Variants in ADCY9 observed in about 807,000 individuals in gnomAD.
ADCY9 encodes adenylate cyclase 9.
Under a neutral mutation model 101.5 loss-of-function variants are expected in ADCY9, and 50 were observed. The observed-to-expected ratio is 0.49, with a 90% CI of 0.39 to 0.62. The LOEUF (loss-of-function observed/expected upper bound fraction) is 0.62, where lower values mean the gene tolerates loss of function less well. Ranked by LOEUF, ADCY9 falls within the 20% of genes least tolerant of loss-of-function variation. The probability of loss-of-function intolerance (pLI) is 0.00; values close to 1 mark genes in which losing one functional copy is unlikely to be tolerated. For missense variants in ADCY9, 1,662 were observed against 1,800.4 expected, an observed-to-expected ratio of 0.92 and a Z score of 1.39; for synonymous variants, 905 against 769.3, an observed-to-expected ratio of 1.18 and a Z score of -2.92.
At chr16:3,993,356 G>A in intron 4 of ADCY9, 50 bp downstream of exon 4, 1 of 1,601,438 alleles carries the variant, frequency 6.2e-7, no homozygotes, top group Non-Finnish European at 8.6e-7. Context: ...CACCTTGGGT[G>A]GATGCGCCAG....
chr16:3,981,976 A>G (rs1009598373), intron 7 of ADCY9: 1 of 152,252 alleles, frequency 6.6e-6, no homozygotes, highest in East Asian at 1.9e-4. Flanking sequence ...GTTCTGGGGA[A>G]GTGGACCCTG....
At chr16:4,000,333 G>A (rs1177305085) in intron 3 of ADCY9, among the ~76,000 whole-genome samples, 4 of 152,052 alleles carry the variant, frequency 2.6e-5, no homozygotes, top group African/African-American at 7.2e-5. Flanking sequence ...GTAAAGAGGC[G>A]GTGAGCCCAG....
chr16:3,986,392 T>C (rs2056193531), intron 6 of ADCY9, among the ~76,000 whole-genome samples: 1 of 152,176 alleles, frequency 6.6e-6, no homozygotes. Context: ...ACCTGTCATG[T>C]GGCCTCCTGT....
At position 4,038,994 on chromosome 16, in the gene ADCY9, T is replaced by A. The variant is rs113893781; in HGVS notation, c.1694-31436A>T. ...AATGCTTGCCCTTTTATAAAAATAA[T>A]AGCAACAACATCTCCTACAACTAAG... On this transcript the variant is annotated intron_variant, in intron 2 of 10. Coordinates refer to ENST00000294016, the MANE Select transcript of ADCY9 (RefSeq NM_001116.4). 7.6e-3 allele frequency among the ~76,000 whole-genome samples: 1,155 copies of A among 152,246 alleles called. 9 individuals are homozygous for A. The highest frequency in any genetic ancestry group is 0.013 in the Non-Finnish European group (871 of 68,012).
In ADCY9 at chr16:4,097,487, T is replaced by TATATACACAC. The variant is rs76750792; in HGVS notation, c.1693+16262_1693+16263insGTGTGTATAT. ...ATATATATATATATATATATATATATACACACACACACACTATATATATGT... is the reference window on the plus strand; with the variant it reads ...ATATATATATATATATATATATATATATATACACACACACACACACACACTATATATATGT... On this transcript the variant is annotated intron_variant, in intron 2 of 10. Transcript: ENST00000294016. 4.4e-3 allele frequency among the ~76,000 whole-genome samples: 322 copies of TATATACACAC among 72,374 alleles called. 3 individuals carry two copies. The highest frequency in any genetic ancestry group is 0.019 in the East Asian group (51 of 2,670). The allele number at this position is 72,374 out of a possible 152,430, so 47.5% of individuals were successfully genotyped here.
At chr16:3,983,577 G>C (rs951014083) in intron 6 of ADCY9, 137 bp from the exon 7 acceptor site, 10 of 719,222 alleles carry the variant, frequency 1.4e-5, no homozygotes, top group African/African-American at 3.5e-5. Flanking sequence ...CTCTCGGAGG[G>C]CTGTCTCCCT....
intron 2 of ADCY9, among the ~76,000 whole-genome samples, chr16:4,068,294 G>A (rs1269328819): frequency 6.7e-6 from 1 of 149,092 alleles, no homozygotes; most frequent in Non-Finnish European, 1.5e-5. Context: ...TTTAAATCTG[G>A]TTTTTCTAAT....
intron 3 of ADCY9, among the ~76,000 whole-genome samples, chr16:3,993,753 C>CAATG (rs1239781091): frequency 4.6e-5 from 7 of 152,314 alleles, no homozygotes; most frequent in Middle Eastern, 3.4e-3. Flanking sequence ...ACTGACTGAA[C>CAATG]AATGGATCAA....
At chr16:3,988,011 TG>T (rs1286212742) in intron 6 of ADCY9, among the ~76,000 whole-genome samples, 2 of 146,900 alleles carry the variant, frequency 1.4e-5, no homozygotes, top group African/African-American at 5.4e-5. Flanking sequence ...AGGAGAGAGA[TG>T]GGTGTTGGGA....
intron 10 of ADCY9, among the ~76,000 whole-genome samples, chr16:3,970,485 C>A (rs1482485265): frequency 6.6e-6 from 1 of 152,160 alleles, no homozygotes; most frequent in Non-Finnish European, 1.5e-5. Flanking sequence ...CGCCACCATA[C>A]TTGGCTAATT....
At chr16:3,985,710 T>C (rs2056186359) in intron 6 of ADCY9, among the ~76,000 whole-genome samples, 1 of 151,962 alleles carries the variant, frequency 6.6e-6, no homozygotes, top group Admixed American at 6.6e-5. Context: ...GGCTGCCATC[T>C]CCTCTGTAGA....
intron 2 of ADCY9, among the ~76,000 whole-genome samples, chr16:4,030,131 CTA>C (rs1298231511): frequency 2.0e-5 from 3 of 152,148 alleles, no homozygotes. Context: ...CACTCACACT[CTA>C]TGGCTCAATA....
intron 2 of ADCY9, among the ~76,000 whole-genome samples, chr16:4,067,766 T>A (rs368649376): frequency 6.6e-6 from 1 of 152,190 alleles, no homozygotes; most frequent in South Asian, 2.1e-4. Context: ...GGAGGTGGAC[T>A]GCAACCTCCC....
chr16:4,018,096 C>T (rs1270895506), intron 2 of ADCY9, among the ~76,000 whole-genome samples: 1 of 152,256 alleles, frequency 6.6e-6, no homozygotes, highest in Admixed American at 6.5e-5. Flanking sequence ...TATACCTGCA[C>T]TGACACCTCC....
In ADCY9 at chr16:4,116,129, G is replaced by GC. The variant is rs2057151111; in HGVS notation, c.-484dup. On this transcript the variant is annotated 5_prime_UTR_variant, in exon 1 of 11. Coordinates refer to ENST00000294016, the MANE Select transcript of ADCY9 (RefSeq NM_001116.4). ...CGAGTGCGCGGAGCCCGTCGGCGCGGCCCGTCTAGTGGGGCCTGCTTCCCC... is the reference window on the plus strand; with the variant it reads ...CGAGTGCGCGGAGCCCGTCGGCGCGGCCCCGTCTAGTGGGGCCTGCTTCCCC... The GC allele has an allele frequency of 6.8e-6, 1 of 146,066 alleles. No individual in the cohort carries two copies. Among genetic ancestry groups the GC allele is most frequent in the Admixed American group, 6.8e-5 (1 of 14,732 alleles). The allele number at this position is 146,066 out of a possible 1,614,324, so 9.0% of individuals were successfully genotyped here.
At chr16:4,000,577 A>T (rs1270799403) in intron 3 of ADCY9, among the ~76,000 whole-genome samples, 1 of 152,198 alleles carries the variant, frequency 6.6e-6, no homozygotes, top group Non-Finnish European at 1.5e-5. Flanking sequence ...ATTTTCTTAC[A>T]TCCCCAAAGC....
chr16:4,003,494 T>C (rs1391054599), intron 3 of ADCY9, among the ~76,000 whole-genome samples: 1 of 151,912 alleles, frequency 6.6e-6, no homozygotes, highest in Non-Finnish European at 1.5e-5. Context: ...GGTCTCTTCC[T>C]TATCACCACC....
chr16:4,041,044 A>G (rs1597185102), intron 2 of ADCY9, among the ~76,000 whole-genome samples: 1 of 152,182 alleles, frequency 6.6e-6, no homozygotes, highest in African/African-American at 2.4e-5. Context: ...ACCACAGGAG[A>G]TAAAGCAGAG....
rs1222279627 is a variant in ADCY9 at position 3,965,757 on chromosome 16, C to T, written c.*18G>A. The T allele has an allele frequency of 4.4e-6, 7 of 1,592,684 alleles. No individual in the cohort carries two copies. Among genetic ancestry groups the T allele is most frequent in the Non-Finnish European group, 6.0e-6 (7 of 1,167,770 alleles). ...GTTTCGACAAACAGAGCACCTCGGG[C>T]AGCGGGTGGGCGCCGCCTCACACAC... On this transcript the variant is annotated 3_prime_UTR_variant, in exon 11 of 11. Coordinates refer to ENST00000294016, the MANE Select transcript of ADCY9 (RefSeq NM_001116.4).
Sources: gnomAD v4.1 joint callset for allele counts (sites outside exome capture counted in the v4.1 genomes callset) on GRCh38, gnomAD v4.1.1 for gene constraint, MANE v1.5 for transcripts, NCBI Gene and HGNC (gene_info 2026-07-23, HGNC 2026-07-21) for gene names.